The following CDC42BPA variants were observed in gnomAD, a reference collection of about 807,000 sequenced individuals.
CDC42BPA encodes serine/threonine-protein kinase MRCK alpha.
Under a neutral mutation model 223.5 loss-of-function variants are expected in CDC42BPA, and 80 were observed. That is an observed-to-expected ratio of 0.36 (90% CI 0.30 to 0.43). The LOEUF is 0.43. CDC42BPA is among the 20% of genes least tolerant of loss of function. The pLI is 1.00. For synonymous variants in CDC42BPA, 694 were observed against 718.6 expected (o/e 0.97, Z 0.55); for missense variants, 1,743 against 2,099.9 (o/e 0.83, Z 3.32).
At chr1:227,146,662 C>T (rs1028583693) in intron 7 of CDC42BPA, among the ~76,000 whole-genome samples, 14 of 151,996 alleles carry the variant, frequency 9.2e-5, no homozygotes, top group East Asian at 1.9e-4. Flanking sequence ...AATATATTAA[C>T]GTTTCATTAA....
At chr1:227,079,910 T>G (rs1680280836) in intron 17 of CDC42BPA, among the ~76,000 whole-genome samples, 1 of 150,658 alleles carries the variant, frequency 6.6e-6, no homozygotes, top group Admixed American at 6.6e-5. Context: ...GAGATTATCT[T>G]GGGGATGGGA....
At chr1:227,271,287 G>A (rs1357485878) in intron 1 of CDC42BPA, among the ~76,000 whole-genome samples, 12 of 152,086 alleles carry the variant, frequency 7.9e-5, no homozygotes, top group Non-Finnish European at 8.8e-5. Context: ...AAGAAAGTAC[G>A]TGGCCAGGAG....
chr1:227,050,541 G>T (rs561826783), intron 22 of CDC42BPA, among the ~76,000 whole-genome samples: 1 of 152,186 alleles, frequency 6.6e-6, no homozygotes, highest in African/African-American at 2.4e-5. Context: ...TGAAAAATTG[G>T]AAACAACCTA....
At chr1:227,280,111 T>G (rs1687764249) in intron 1 of CDC42BPA, among the ~76,000 whole-genome samples, 2 of 152,140 alleles carry the variant, frequency 1.3e-5, no homozygotes, top group South Asian at 4.1e-4. Flanking sequence ...TAAAACCTTG[T>G]ATAAAAAAAG....
intron 34 of CDC42BPA, among the ~76,000 whole-genome samples, chr1:227,015,712 A>G (rs1054592760): frequency 4.6e-5 from 7 of 152,256 alleles, no homozygotes; most frequent in African/African-American, 1.7e-4. Context: ...TAGGCCAAAT[A>G]TCTGTATTGA....
intron 11 of CDC42BPA, among the ~76,000 whole-genome samples, chr1:227,126,763 C>A (rs989726469): frequency 1.3e-5 from 2 of 152,136 alleles, no homozygotes; most frequent in Non-Finnish European, 2.9e-5. Flanking sequence ...TCAATTGATA[C>A]AGAAAAAGAA....
chr1:227,105,970 G>C (rs1055936774), intron 14 of CDC42BPA, among the ~76,000 whole-genome samples: 4 of 152,164 alleles, frequency 2.6e-5, no homozygotes, highest in Non-Finnish European at 5.9e-5. Context: ...GAGTGGAATG[G>C]CTGGATCATG....
At chr1:227,144,199 T>C (rs944606253) in intron 8 of CDC42BPA, among the ~76,000 whole-genome samples, 2 of 152,144 alleles carry the variant, frequency 1.3e-5, no homozygotes, top group Non-Finnish European at 2.9e-5. Flanking sequence ...TTAAGTCATA[T>C]AACATTAACA....
intron 12 of CDC42BPA, among the ~76,000 whole-genome samples, chr1:227,113,555 T>A (rs1218767511): frequency 6.6e-6 from 1 of 151,834 alleles, no homozygotes; most frequent in Non-Finnish European, 1.5e-5. Context: ...AAAATAAACA[T>A]CAAAGGTATC....
chr1:227,221,336 C>T (rs1188335977), intron 2 of CDC42BPA, among the ~76,000 whole-genome samples: 1 of 152,170 alleles, frequency 6.6e-6, no homozygotes, highest in Admixed American at 6.5e-5. Context: ...TCCTAAATCC[C>T]TATCTCTTAC....
chr1:227,150,593 C>A (rs1413987730), intron 6 of CDC42BPA, among the ~76,000 whole-genome samples: 5 of 151,752 alleles, frequency 3.3e-5, no homozygotes. Context: ...CTTCGGAAAA[C>A]AAGAAATTTA....
intron 21 of CDC42BPA, among the ~76,000 whole-genome samples, chr1:227,067,313 T>A (rs527925271): frequency 6.6e-6 from 1 of 152,184 alleles, no homozygotes; most frequent in African/African-American, 2.4e-5. Context: ...TGAGAAGACC[T>A]CATGTATTTG....
intron 24 of CDC42BPA, among the ~76,000 whole-genome samples, chr1:227,036,125 C>G (rs1256691490): frequency 6.6e-6 from 1 of 152,148 alleles, no homozygotes; most frequent in African/African-American, 2.4e-5. Flanking sequence ...TATACTTAAA[C>G]TACTACTAAA....
chr1:227,122,227 T>C (rs1389585468), intron 11 of CDC42BPA, among the ~76,000 whole-genome samples: 2 of 152,358 alleles, frequency 1.3e-5, no homozygotes, highest in East Asian at 1.9e-4. Context: ...TCTAATCTTA[T>C]GGTTAAGGAA....
intron 5 of CDC42BPA, 67 bp from the exon 6 acceptor site, chr1:227,160,703 T>G: frequency 3.4e-6 from 3 of 873,796 alleles, no homozygotes; most frequent in Non-Finnish European, 5.4e-6. Context: ...TAAGATATTC[T>G]TTTTGTCAGA....
intron 5 of CDC42BPA, among the ~76,000 whole-genome samples, chr1:227,170,068 A>G (rs1665824248): frequency 6.6e-6 from 1 of 152,114 alleles, no homozygotes; most frequent in African/African-American, 2.4e-5. Context: ...CATCAAGAAG[A>G]TTGTCCCTTC....
rs374068070 is a variant in CDC42BPA, at chr1:227,187,238, C to A, written c.599+6548G>T. ...GGCAACAATGTTGCAATTATCAGAC[C>A]AGGAATTTTAAAAACTATTATTAAT... On this transcript the variant is annotated intron_variant, in intron 5 of 36. Coordinates refer to ENST00000366766, the MANE Select transcript of CDC42BPA (RefSeq NM_001394014.1). 5.9e-5 allele frequency among the ~76,000 whole-genome samples: 9 copies of A among 151,922 alleles called. No homozygotes were observed. In the South Asian group the frequency reaches 1.9e-3, roughly 32 times the overall value.
intron 35 of CDC42BPA, among the ~76,000 whole-genome samples, chr1:227,001,174 G>C (rs1264407899): frequency 6.6e-6 from 1 of 152,232 alleles, no homozygotes; most frequent in African/African-American, 2.4e-5. Context: ...GCTTCTTGCT[G>C]TAGAGACTGA....
chr1:227,014,262 A>C (rs1243374913), intron 34 of CDC42BPA, among the ~76,000 whole-genome samples: 1 of 152,130 alleles, frequency 6.6e-6, no homozygotes, highest in Non-Finnish European at 1.5e-5. Flanking sequence ...AAAATTTTTA[A>C]AAGTACTATA....
Sources: gnomAD v4.1 joint callset for allele counts (sites outside exome capture counted in the v4.1 genomes callset) on GRCh38, gnomAD v4.1.1 for gene constraint, MANE v1.5 for transcripts, NCBI Gene and HGNC (gene_info 2026-07-23, HGNC 2026-07-21) for gene names.